HDAC7: variants seen among roughly 807,000 people sequenced by gnomAD.
The protein encoded by HDAC7 is histone deacetylase 7.
Under a neutral mutation model 115.5 loss-of-function variants are expected in HDAC7, and 26 were observed. That is an observed-to-expected ratio of 0.23 (90% CI 0.16 to 0.31). The LOEUF is 0.31. HDAC7 is among the 10% of genes least tolerant of loss of function. The probability of loss-of-function intolerance (pLI) is 1.00; values close to 1 mark genes in which losing one functional copy is unlikely to be tolerated. For missense variants in HDAC7, 1,068 were observed against 1,329.0 expected, an observed-to-expected ratio of 0.80 and a Z score of 3.05; for synonymous variants, 564 against 550.9, an observed-to-expected ratio of 1.02 and a Z score of -0.33.
chr12:47,796,736 C>T (rs1052986370), intron 7 of HDAC7, among the ~76,000 whole-genome samples: 2 of 152,198 alleles, frequency 1.3e-5, no homozygotes, highest in African/African-American at 4.8e-5. Context: ...CTGCTTTCTT[C>T]CCATCAGAGC....
rs1003650139 is a variant in HDAC7 at position 47,793,685 on chromosome 12, C to A, written c.1459-97G>T. 1 of 932,960 alleles carries A rather than the reference C, an allele frequency of 1.1e-6. No individual in the cohort carries two copies. Among genetic ancestry groups the A allele is most frequent in the African/African-American group, 1.7e-5 (1 of 60,300 alleles). 57.8% of individuals were successfully genotyped at this position (932,960 alleles called of 1,614,324 possible). ...GGGAACTGCCAAGCAGGCCCCTTTC[C>A]TAGAGAGATTCCAGGATAAACCTAG... On this transcript the variant is annotated intron_variant, in intron 12 of 25. Transcript: ENST00000080059. This position sits in a 1 kb window ranked among gnomAD's most constrained non-coding sequence, Gnocchi z 4.5.
In HDAC7 at chr12:47,793,339, CTCCA is replaced by C; in HGVS notation, c.1678+26_1678+29del. On this transcript the variant is annotated intron_variant, in intron 13 of 25. Transcript: ENST00000080059. This position sits in a 1 kb window ranked among gnomAD's most constrained non-coding sequence, Gnocchi z 4.5. The stretch of plus-strand genomic sequence containing the variant: ...TGGACTCGTGCAGCCGAGCCCCTCC[CTCCA>C]CCCGCCACCCTCCTCCCGGTCTCAC... 1.5e-6 allele frequency: 2 copies of C among 1,327,732 alleles called. No individual in the cohort carries two copies. Among genetic ancestry groups the C allele is most frequent in the Non-Finnish European group, 2.1e-6 (2 of 970,328 alleles). The allele number at this position is 1,327,732 out of a possible 1,614,324, so 82.2% of individuals were successfully genotyped here. A position where few individuals can be genotyped will look rare whatever the true frequency, so the allele number is the denominator to read the frequency against.
chr12:47,798,450 G>T lies in HDAC7; in HGVS notation c.349+112C>A. On this transcript the variant is annotated intron_variant, in intron 4 of 25. Transcript: ENST00000080059. This position sits in a 1 kb window ranked among gnomAD's most constrained non-coding sequence, Gnocchi z 4.3. ...CCAGGCAAGCAGAGGGAAAGCCTCG[G>T]CTCAGGCCCAGCTGGCTGCGGCCCT... 1 of 989,004 alleles carries T rather than the reference G, an allele frequency of 1.0e-6. No homozygotes were observed. Among genetic ancestry groups the T allele is most frequent in the South Asian group, 1.4e-5 (1 of 73,068 alleles). 61.3% of individuals were successfully genotyped at this position (989,004 alleles called of 1,614,324 possible). A position where few individuals can be genotyped will look rare whatever the true frequency, so the allele number is the denominator to read the frequency against.
intron 16 of HDAC7, 153 bp downstream of exon 16, chr12:47,791,106 T>C (rs1346987280): frequency 6.8e-6 from 5 of 732,972 alleles, no homozygotes; most frequent in South Asian, 1.6e-5. Flanking sequence ...AGGAGCTTCC[T>C]GCTGCAGGGG....
chr12:47,789,484 C>G (rs1943364556), intron 18 of HDAC7, 39 bp downstream of exon 18: 1 of 1,609,078 alleles, frequency 6.2e-7, no homozygotes, highest in African/African-American at 1.3e-5. Context: ...GGGGGCTTGC[C>G]CCCCACCTCA....
intron 15 of HDAC7, 45 bp downstream of exon 15, chr12:47,791,541 G>T: frequency 6.4e-7 from 1 of 1,573,812 alleles, no homozygotes; most frequent in Non-Finnish European, 8.6e-7. Context: ...ATGGGAGCTG[G>T]GTGAGGTAAG....
chr12:47,818,849 G>A (rs1592079324), intron 1 of HDAC7, among the ~76,000 whole-genome samples: 1 of 152,216 alleles, frequency 6.6e-6, no homozygotes, highest in African/African-American at 2.4e-5. Context: ...TGGCTGGGGA[G>A]GTCAGACCCA....
chr12:47,790,699 C>T (rs778685621), intron 16 of HDAC7: 143 of 167,782 alleles, frequency 8.5e-4, no homozygotes, highest in Admixed American at 2.6e-3. Context: ...TAGTGTTAGG[C>T]GAGGAGAGCT....
rs761484178 is a variant in HDAC7, at chr12:47,793,396, G to A, written c.1651C>T (p.Pro551Ser). 3.2e-5 allele frequency: 50 copies of A among 1,554,374 alleles called. No homozygotes were observed. The highest frequency in any genetic ancestry group is 4.0e-5 in the Non-Finnish European group (46 of 1,148,508). ...QARVLSSSET[P>S]ARTLPFTTGL... ...GTGGTGAAGGGCAGGGTCCTGGCAG[G>A]GGTCTCTGAGCTGGAGAGGACTCGG... The change falls in exon 13 of 26, where the codon CCT becomes TCT. Residue 551 changes from proline (P) to serine (S), a missense_variant. By Grantham distance (74) the Pro-to-Ser change is moderately conservative. Coordinates refer to ENST00000080059, the MANE Select transcript of HDAC7 (RefSeq NM_015401.5). The surrounding 1 kb of genome is among the most constrained non-coding windows in gnomAD (Gnocchi z 4.5).
chr12:47,795,111 A>C lies in HDAC7; in HGVS notation c.1284+73T>G. On this transcript the variant is annotated intron_variant, in intron 11 of 25. Coordinates refer to ENST00000080059, the MANE Select transcript of HDAC7 (RefSeq NM_015401.5). The surrounding 1 kb of genome is among the most constrained non-coding windows in gnomAD (Gnocchi z 4.3). ...CTCCAGTTCCCTGCCCTTTCTAAGTACCCCTCTTCTTTTGGCCCCTAAGTC... is the reference window on the plus strand; with the variant it reads ...CTCCAGTTCCCTGCCCTTTCTAAGTCCCCCTCTTCTTTTGGCCCCTAAGTC... The C allele has an allele frequency of 7.3e-7, 1 of 1,376,304 alleles. No individual in the cohort carries two copies. Among genetic ancestry groups the C allele is most frequent in the Admixed American group, 1.9e-5 (1 of 52,236 alleles). 85.3% of individuals were successfully genotyped at this position (1,376,304 alleles called of 1,614,324 possible). A position where few individuals can be genotyped will look rare whatever the true frequency, so the allele number is the denominator to read the frequency against.
Position 47,803,989 on chromosome 12 carries a change from A to G in HDAC7, c.20-1715T>C, listed in dbSNP as rs957988021. Among the ~76,000 whole-genome samples the G allele has an allele frequency of 5.3e-5, 8 of 152,086 alleles. No homozygotes were observed. The highest frequency in any genetic ancestry group is 1.2e-4 in the Non-Finnish European group (8 of 68,024). On this transcript the variant is annotated intron_variant, in intron 1 of 25. Transcript: ENST00000080059. The surrounding 1 kb of genome is among the most constrained non-coding windows in gnomAD (Gnocchi z 4.0). ...CCTGGGAATTCTGTCCCACCTCCCC[A>G]GTCCCTACCCAGGGGCTGGTCAGCA...
At chr12:47,804,739 C>CT (rs1401256604) in intron 1 of HDAC7, among the ~76,000 whole-genome samples, 2 of 152,096 alleles carry the variant, frequency 1.3e-5, no homozygotes, top group East Asian at 3.9e-4. Context: ...ACCAGAACAC[C>CT]TGATTTTACC....
chr12:47,807,385 A>G (rs1179454288), intron 1 of HDAC7, among the ~76,000 whole-genome samples: 1 of 152,210 alleles, frequency 6.6e-6, no homozygotes, highest in Non-Finnish European at 1.5e-5. Context: ...AGTCCACATG[A>G]CAAACCTATG....
chr12:47,785,425 T>C lies in HDAC7; in HGVS notation c.2753A>G (p.Asn918Ser). 6.2e-7 allele frequency: 1 copy of C among 1,613,188 alleles called. No homozygotes were observed. Among genetic ancestry groups the C allele is most frequent in the Non-Finnish European group, 8.5e-7 (1 of 1,179,652 alleles). ...CACGGCCTCCAGAGAGCGGATGGCA[T>C]TGAGGTTGGGTTTCTGTTTCCAGCC... ...EEGWKQKPNL[N>S]AIRSLEAVIR... Residue 918 changes from asparagine (N) to serine (S), a missense_variant, in exon 24 of 26, where the codon AAT becomes AGT. Asn to Ser is a conservative substitution (Grantham distance 46). Around this residue, in one of 6 missense-constraint regions of HDAC7, gnomAD observed 98 missense variants for 123.9 expected, o/e 0.79. Coordinates refer to ENST00000080059, the MANE Select transcript of HDAC7 (RefSeq NM_015401.5).
At position 47,797,891 on chromosome 12, in the gene HDAC7, TGTGTGA is replaced by T. The variant is rs1353293111; in HGVS notation, c.461+211_461+216del. Among the ~76,000 whole-genome samples, 1 of 149,916 alleles carries T rather than the reference TGTGTGA, an allele frequency of 6.7e-6. No individual in the cohort carries two copies. The highest frequency in any genetic ancestry group is 2.5e-5 in the African/African-American group (1 of 40,426). On this transcript the variant is annotated intron_variant, in intron 5 of 25. Coordinates refer to ENST00000080059, the MANE Select transcript of HDAC7 (RefSeq NM_015401.5). The surrounding 1 kb of genome is among the most constrained non-coding windows in gnomAD (Gnocchi z 5.5). ...GTGTGTGTGTGTGTGTGTGTGTGTG[TGTGTGA>T]GAAGGGCTCAGGTGGGGTGGGGAGA...
chr12:47,813,418 G>A (rs1398787882), intron 1 of HDAC7: 1 of 152,508 alleles, frequency 6.6e-6, no homozygotes, highest in African/African-American at 2.4e-5. Flanking sequence ...TCTGGGGGTT[G>A]GGGTAGAGGG....
rs149143170 is a variant in HDAC7 at position 47,791,647 on chromosome 12, G to A, written c.1872C>T (p.His624=). ...GCGGGTTGGTGCCGTAGAGGAGCAC[G>A]TGCCGCTCAGAGTGGACCGACTGCA... ...EELQSVHSER[H]VLLYGTNPLS... The change falls in exon 15 of 26, where the codon CAC becomes CAT. Residue 624 remains histidine (H), a synonymous_variant. Coordinates refer to ENST00000080059, the MANE Select transcript of HDAC7 (RefSeq NM_015401.5). 1.8e-4 allele frequency: 288 copies of A among 1,613,236 alleles called. 5 individuals are homozygous for A. The South Asian group carries it at 2.1e-3, about 12-fold the overall frequency.
In HDAC7 at chr12:47,795,109, G is replaced by A. The variant is rs1943738032; in HGVS notation, c.1284+75C>T. On this transcript the variant is annotated intron_variant, in intron 11 of 25. Coordinates refer to ENST00000080059, the MANE Select transcript of HDAC7 (RefSeq NM_015401.5). The surrounding 1 kb of genome is among the most constrained non-coding windows in gnomAD (Gnocchi z 4.3). ...CCCTCCAGTTCCCTGCCCTTTCTAAGTACCCCTCTTCTTTTGGCCCCTAAG... is the reference window on the plus strand; with the variant it reads ...CCCTCCAGTTCCCTGCCCTTTCTAAATACCCCTCTTCTTTTGGCCCCTAAG... The A allele has an allele frequency of 2.2e-6, 3 of 1,376,396 alleles. No homozygotes were observed. The East Asian group carries it at 6.9e-5, about 32-fold the overall frequency. 85.3% of individuals were successfully genotyped at this position (1,376,396 alleles called of 1,614,324 possible). A position where few individuals can be genotyped will look rare whatever the true frequency, so the allele number is the denominator to read the frequency against.
At chr12:47,787,844 G>A in intron 20 of HDAC7, 35 bp from the exon 21 acceptor site, 2 of 1,585,660 alleles carry the variant, frequency 1.3e-6, no homozygotes, top group Non-Finnish European at 1.7e-6. Context: ...CATGAGGACA[G>A]CAGAGTCCCA....
Sources: allele counts gnomAD v4.1 joint callset (sites outside exome capture counted in the v4.1 genomes callset), GRCh38; gene constraint gnomAD v4.1.1; regional missense constraint gnomAD v4.1.1; non-coding constraint Gnocchi (gnomAD v3.1); transcripts MANE v1.5; gene names NCBI Gene and HGNC (gene_info 2026-07-23, HGNC 2026-07-21).